NAV1: variants seen among roughly 807,000 people sequenced by gnomAD.
NAV1 encodes pore membrane and/or filament interacting like protein 3.
NAV1 carries 18 observed loss-of-function variants against 175.2 expected under a neutral mutation model. That is an observed-to-expected ratio of 0.10 (90% CI 0.07 to 0.15). NAV1 has a LOEUF of 0.15. NAV1 is among the 10% of genes least tolerant of loss of function. The pLI is 1.00. For missense variants in NAV1, 1,731 were observed against 2,436.6 expected (o/e 0.71, Z 6.10); for synonymous variants, 897 against 978.7 (o/e 0.92, Z 1.56).
rs545939319 is a variant in NAV1, at chr1:201,626,362, C to T, written c.-101+2756C>T. On this transcript the variant is annotated intron_variant, in intron 1 of 29. Coordinates refer to the NAV1 transcript ENST00000367302. Reference sequence around the variant, plus strand: ...AGAAGCAGAGGTCACCTGCTTCCCTCCCCATCTCCAGCCTGGTCATGCCTG... The same window carrying T: ...AGAAGCAGAGGTCACCTGCTTCCCTTCCCATCTCCAGCCTGGTCATGCCTG... Among the ~76,000 whole-genome samples the T allele has an allele frequency of 9.2e-5, 14 of 152,346 alleles. 1 individual carries two copies. The South Asian group carries it at 2.9e-3, about 32-fold the overall frequency.
At chr1:201,547,254 G>T (rs1665701040) in intron 1 of NAV1, among the ~76,000 whole-genome samples, 1 of 152,108 alleles carries the variant, frequency 6.6e-6, no homozygotes, top group Non-Finnish European at 1.5e-5. Context: ...CTCCCAAAGT[G>T]CTGGGATTGC....
chr1:201,702,732 C>A (rs1671491142), intron 1 of NAV1, among the ~76,000 whole-genome samples: 1 of 133,948 alleles, frequency 7.5e-6, no homozygotes, highest in East Asian at 2.2e-4. Context: ...CTCTCTCTCT[C>A]CCCATTCTGA....
intron 1 of NAV1, among the ~76,000 whole-genome samples, chr1:201,586,041 A>G (rs1480616062): frequency 6.6e-6 from 1 of 152,244 alleles, no homozygotes; most frequent in Non-Finnish European, 1.5e-5. Flanking sequence ...AACATTATTC[A>G]CCATAGCCAA....
rs989694543 is a variant in NAV1, at chr1:201,789,606, C to T, written c.3167-134C>T. On this transcript the variant is annotated intron_variant, in intron 10 of 29. Coordinates refer to ENST00000367296, the Ensembl canonical transcript of NAV1. ...GGGCTGTTTTGATACCAGCTGGGTT[C>T]CCTACTCTGTTCTTTCTGTTTGCTC... 1.8e-4 allele frequency: 143 copies of T among 792,330 alleles called. 1 individual carries two copies. The Middle Eastern group carries it at 1.8e-3, about 10-fold the overall frequency. 49.1% of individuals were successfully genotyped at this position (792,330 alleles called of 1,614,324 possible).
At chr1:201,546,317 T>C (rs182744726) in intron 1 of NAV1, among the ~76,000 whole-genome samples, 1 of 152,326 alleles carries the variant, frequency 6.6e-6, no homozygotes, top group Admixed American at 6.5e-5. Flanking sequence ...CAAGTAGATT[T>C]AGAAGGTGTC....
intron 15 of NAV1, 157 bp downstream of exon 19, chr1:201,794,734 G>A (rs540398330): frequency 7.7e-5 from 54 of 698,328 alleles, no homozygotes; most frequent in African/African-American, 7.7e-4. Context: ...GGACTGGTCA[G>A]TGAGGAGTAC....
chr1:201,784,517 C>T (rs938973120), intron 7 of NAV1, among the ~76,000 whole-genome samples: 2 of 151,470 alleles, frequency 1.3e-5, no homozygotes, highest in Admixed American at 6.6e-5. Context: ...CCCTATATGC[C>T]AAGGTTATCA....
chr1:201,624,825 C>T (rs1668284200), intron 1 of NAV1, among the ~76,000 whole-genome samples: 1 of 152,084 alleles, frequency 6.6e-6, no homozygotes, highest in Non-Finnish European at 1.5e-5. Flanking sequence ...GAGAAACTCT[C>T]ACTTATATTT....
chr1:201,593,400 A>T (rs1177826801), intron 2 of NAV1, among the ~76,000 whole-genome samples: 10 of 152,074 alleles, frequency 6.6e-5, no homozygotes, highest in Admixed American at 6.5e-4. Context: ...CTCTCCCTCC[A>T]AGCCCTGGAA....
At chr1:201,540,712 T>C (rs576751939) in intron 1 of NAV1, among the ~76,000 whole-genome samples, 1 of 152,380 alleles carries the variant, frequency 6.6e-6, no homozygotes, top group Admixed American at 6.5e-5. Flanking sequence ...CTATGGATTT[T>C]GTCTTCTAAG....
intron 3 of NAV1, among the ~76,000 whole-genome samples, chr1:201,730,092 G>A (rs1004134192): frequency 7.2e-5 from 11 of 152,040 alleles, no homozygotes; most frequent in African/African-American, 2.7e-4. Context: ...CTCCCTCCAG[G>A]GAGCCTTTCC....
intron 3 of NAV1, among the ~76,000 whole-genome samples, chr1:201,778,059 C>T (rs980514096): frequency 6.6e-6 from 1 of 152,174 alleles, no homozygotes; most frequent in East Asian, 1.9e-4. Flanking sequence ...TCAGAACTTG[C>T]AAAAGAATTT....
At chr1:201,702,334 TA>T (rs2102444901) in intron 1 of NAV1, among the ~76,000 whole-genome samples, 1 of 152,346 alleles carries the variant, frequency 6.6e-6, no homozygotes, top group African/African-American at 2.4e-5. Context: ...GCAAATATAC[TA>T]AAAACAATTG....
intron 1 of NAV1, among the ~76,000 whole-genome samples, chr1:201,625,412 G>A (rs951413126): frequency 3.3e-5 from 5 of 152,158 alleles, no homozygotes; most frequent in Admixed American, 1.3e-4. Flanking sequence ...CAAATTGACC[G>A]GAAGGCAGTG....
intron 3 of NAV1, among the ~76,000 whole-genome samples, chr1:201,768,562 C>T (rs577532984): frequency 1.9e-4 from 28 of 150,456 alleles, no homozygotes; most frequent in Non-Finnish European, 3.8e-4. Flanking sequence ...CACTTCAACC[C>T]AGGAGGTCAA....
At chr1:201,648,919 A>T (rs1669080863) in exon 1 of NAV1, 1 of 1,612,670 alleles carries the variant, frequency 6.2e-7, no homozygotes, top group Admixed American at 1.7e-5. Context: ...CCCGCCTCCA[A>T]CCTGCGCAAG....
intron 1 of NAV1, among the ~76,000 whole-genome samples, chr1:201,555,858 G>C (rs1205058417): frequency 8.0e-6 from 1 of 124,460 alleles, no homozygotes; most frequent in Admixed American, 9.5e-5. Context: ...GCTGTGAAGG[G>C]AGATGGGGGG....
chr1:201,804,276 A>G (rs1471043634), intron 16 of NAV1, among the ~76,000 whole-genome samples: 1 of 152,112 alleles, frequency 6.6e-6, no homozygotes, highest in Non-Finnish European at 1.5e-5. Context: ...TTCTTCAGGC[A>G]GGTCTAGACA....
chr1:201,703,524 GA>G (rs1671533965), intron 1 of NAV1, among the ~76,000 whole-genome samples: 1 of 151,868 alleles, frequency 6.6e-6, no homozygotes, highest in African/African-American at 2.4e-5. Flanking sequence ...AACAGGGCTC[GA>G]GGCCAGGCAC....
Sources: allele counts gnomAD v4.1 joint callset (sites outside exome capture counted in the v4.1 genomes callset), GRCh38; gene constraint gnomAD v4.1.1; transcripts MANE v1.5; gene names NCBI Gene and HGNC (gene_info 2026-07-23, HGNC 2026-07-21).